ABHD6: variants seen among roughly 807,000 people sequenced by gnomAD.
The protein encoded by ABHD6 is monoacylglycerol lipase ABHD6.
ABHD6 carries 33 observed loss-of-function variants against 38.8 expected under a neutral mutation model. The ratio of observed to expected loss-of-function variants is 0.85; its 90% CI spans 0.64 to 1.14. The LOEUF (loss-of-function observed/expected upper bound fraction) is 1.14, where lower values mean the gene tolerates loss of function less well. Ranked by LOEUF, ABHD6 falls within the 50% of genes most tolerant of loss-of-function variation. The pLI is 0.00. For missense variants in ABHD6, 380 were observed against 422.6 expected (o/e 0.90, Z 0.88); for synonymous variants, 147 against 161.6 (o/e 0.91, Z 0.69).
At chr3:58,291,470 G>A (rs2097462912) in intron 9 of ABHD6, among the ~76,000 whole-genome samples, 1 of 152,100 alleles carries the variant, frequency 6.6e-6, no homozygotes, top group Non-Finnish European at 1.5e-5. Context: ...TGTTGGCCAG[G>A]CTGGTCTCGA....
chr3:58,245,544 C>T (rs1377807658), intron 1 of ABHD6, among the ~76,000 whole-genome samples: 2 of 151,770 alleles, frequency 1.3e-5, no homozygotes, highest in African/African-American at 4.8e-5. Context: ...TTTGGAAGGC[C>T]GAGGCAGGCA....
At position 58,293,503 on chromosome 3, in the gene ABHD6, G is replaced by C; in HGVS notation, c.838-86G>C. ...CCTCCTGCCCCACTGACCCCTGCCA[G>C]GCCTTGGTGGAAGTTCTGTCCACAG... is the stretch of plus-strand genomic sequence containing the variant. On this transcript the variant is annotated intron_variant, in intron 9 of 9. Coordinates refer to ENST00000478253, the MANE Select transcript of ABHD6 (RefSeq NM_001320126.2). The surrounding 1 kb of genome is among the most constrained non-coding windows in gnomAD (Gnocchi z 4.4). 1 of 1,462,250 alleles carries C rather than the reference G, an allele frequency of 6.8e-7. No individual in the cohort carries two copies. Among genetic ancestry groups the C allele is most frequent in the Non-Finnish European group, 9.3e-7 (1 of 1,075,240 alleles). The allele number at this position is 1,462,250 out of a possible 1,614,324, so 90.6% of individuals were successfully genotyped here. A position where few individuals can be genotyped will look rare whatever the true frequency, so the allele number is the denominator to read the frequency against.
chr3:58,254,725 G>A (rs1056395424), intron 2 of ABHD6, among the ~76,000 whole-genome samples: 2 of 151,928 alleles, frequency 1.3e-5, no homozygotes, highest in African/African-American at 4.8e-5. Flanking sequence ...GCCACGCCTG[G>A]CTTACAGGTC....
In ABHD6 at chr3:58,256,789, A is replaced by C; in HGVS notation, c.119+84A>C. ...CTTGTCCTTTTTGTGGTTATTGTCC[A>C]ACATTTTATCAGGAAGTATTTCAGA... On this transcript the variant is annotated intron_variant, in intron 3 of 9. Coordinates refer to ENST00000478253, the MANE Select transcript of ABHD6 (RefSeq NM_001320126.2). The surrounding 1 kb of genome is among the most constrained non-coding windows in gnomAD (Gnocchi z 4.3). 8.8e-7 allele frequency: 1 copy of C among 1,132,168 alleles called. No homozygotes were observed. Among genetic ancestry groups the C allele is most frequent in the Non-Finnish European group, 1.3e-6 (1 of 770,938 alleles). The allele number at this position is 1,132,168 out of a possible 1,614,324, so 70.1% of individuals were successfully genotyped here.
At chr3:58,239,731 A>G (rs1349153587) in intron 1 of ABHD6, among the ~76,000 whole-genome samples, 1 of 152,150 alleles carries the variant, frequency 6.6e-6, no homozygotes, top group Non-Finnish European at 1.5e-5. Flanking sequence ...GAAACTTGAT[A>G]TGAGAAAAAA....
chr3:58,252,872 G>A (rs1031440133), intron 2 of ABHD6, among the ~76,000 whole-genome samples: 4 of 152,180 alleles, frequency 2.6e-5, no homozygotes, highest in African/African-American at 9.7e-5. Flanking sequence ...GAAAGCTGAA[G>A]CAAGACCTTT....
chr3:58,260,072 TCATC>T (rs2097435970), intron 3 of ABHD6, among the ~76,000 whole-genome samples: 1 of 152,254 alleles, frequency 6.6e-6, no homozygotes, highest in African/African-American at 2.4e-5. Context: ...TACAGTTTGT[TCATC>T]CATTCATCTG....
chr3:58,294,112 A>G lies in ABHD6; in HGVS notation c.*347A>G, dbSNP rs2107488008. The G allele has an allele frequency of 5.2e-6, 1 of 194,144 alleles. No homozygotes were observed. Among genetic ancestry groups the G allele is most frequent in the Admixed American group, 5.5e-5 (1 of 18,192 alleles). 12.0% of individuals were successfully genotyped at this position (194,144 alleles called of 1,614,324 possible). ...GGACATTTTCTTTGAGACATTCCTT[A>G]TAGTTGGAGACTCAAGATATTTTTG... On this transcript the variant is annotated 3_prime_UTR_variant, in exon 10 of 10. Coordinates refer to ENST00000478253, the MANE Select transcript of ABHD6 (RefSeq NM_001320126.2).
At chr3:58,248,126 T>G (rs774873591) in intron 1 of ABHD6, among the ~76,000 whole-genome samples, 3 of 152,162 alleles carry the variant, frequency 2.0e-5, no homozygotes, top group Non-Finnish European at 2.9e-5. Flanking sequence ...CTGTCTTCTG[T>G]TCCATGCTTT....
Position 58,287,448 on chromosome 3 carries a change from G to C in ABHD6, c.837+1995G>C, listed in dbSNP as rs547836661. On this transcript the variant is annotated intron_variant, in intron 9 of 9. Coordinates refer to ENST00000478253, the MANE Select transcript of ABHD6 (RefSeq NM_001320126.2). This position sits in a 1 kb window ranked among gnomAD's most constrained non-coding sequence, Gnocchi z 4.7. ...GGAGGAGCAGCCAGGCTGTGCCCATGGCGTGTACGCAGAATAAGAGGCAAT... is the reference window on the plus strand; with the variant it reads ...GGAGGAGCAGCCAGGCTGTGCCCATCGCGTGTACGCAGAATAAGAGGCAAT... 6.6e-6 allele frequency among the ~76,000 whole-genome samples: 1 copy of C among 152,104 alleles called. No homozygotes were observed. Among genetic ancestry groups the C allele is most frequent in the South Asian group, 2.1e-4 (1 of 4,814 alleles).
chr3:58,281,809 T>G (rs890243075), intron 7 of ABHD6, among the ~76,000 whole-genome samples: 1 of 152,198 alleles, frequency 6.6e-6, no homozygotes, highest in East Asian at 1.9e-4. Context: ...TTATTAATGT[T>G]TACCATATTA....
intron 1 of ABHD6, among the ~76,000 whole-genome samples, chr3:58,241,543 C>G (rs1169042565): frequency 6.6e-6 from 1 of 152,208 alleles, no homozygotes; most frequent in Non-Finnish European, 1.5e-5. Flanking sequence ...AGCCTTTGCT[C>G]TTAGGCATTT....
At position 58,265,276 on chromosome 3, in the gene ABHD6, T is replaced by C. The variant is rs2097440172; in HGVS notation, c.120-1913T>C. 6.6e-6 allele frequency among the ~76,000 whole-genome samples: 1 copy of C among 152,228 alleles called. No homozygotes were observed. Among genetic ancestry groups the C allele is most frequent in the African/African-American group, 2.4e-5 (1 of 41,470 alleles). On this transcript the variant is annotated intron_variant, in intron 3 of 9. Coordinates refer to ENST00000478253, the MANE Select transcript of ABHD6 (RefSeq NM_001320126.2). The surrounding 1 kb of genome is among the most constrained non-coding windows in gnomAD (Gnocchi z 4.2). Reference sequence around the variant, plus strand: ...CATGTTTTTTATGTTTGTTAGTCATTAATATCTTTTCTACTCTAAGGTACC... The same window carrying C: ...CATGTTTTTTATGTTTGTTAGTCATCAATATCTTTTCTACTCTAAGGTACC...
rs2097438137 is a variant in ABHD6, at chr3:58,263,046, A to G, written c.120-4143A>G. On this transcript the variant is annotated intron_variant, in intron 3 of 9. Transcript: ENST00000478253. This position sits in a 1 kb window ranked among gnomAD's most constrained non-coding sequence, Gnocchi z 4.9. ...AACATGGTGAAACCCCATCTCTACT[A>G]CAAATACGAAAATTAGCCAGGCGTG... 6.6e-6 allele frequency among the ~76,000 whole-genome samples: 1 copy of G among 152,180 alleles called. No homozygotes were observed. Among genetic ancestry groups the G allele is most frequent in the South Asian group, 2.1e-4 (1 of 4,824 alleles).
At chr3:58,239,169 C>T (rs2097421149) in intron 1 of ABHD6, among the ~76,000 whole-genome samples, 1 of 148,690 alleles carries the variant, frequency 6.7e-6, no homozygotes, top group Admixed American at 6.7e-5. Context: ...CCAATTTCAA[C>T]AAATTCTTAT....
At chr3:58,291,801 G>C (rs2097463219) in intron 9 of ABHD6, among the ~76,000 whole-genome samples, 2 of 152,196 alleles carry the variant, frequency 1.3e-5, no homozygotes, top group South Asian at 4.1e-4. Context: ...ACTCAGTTTT[G>C]CCTGGGCATG....
At chr3:58,254,883 CAT>C (rs72555938) in intron 2 of ABHD6, among the ~76,000 whole-genome samples, 4,580 of 125,034 alleles carry the variant, frequency 0.037, 95 homozygotes, top group Non-Finnish European at 0.059. Flanking sequence ...CACACACACA[CAT>C]ATATATATAT....
intron 1 of ABHD6, among the ~76,000 whole-genome samples, chr3:58,244,760 A>G (rs2097425125): frequency 6.6e-6 from 1 of 152,152 alleles, no homozygotes; most frequent in African/African-American, 2.4e-5. Context: ...CTCAAATTAA[A>G]AAAAAAAGCA....
At chr3:58,247,266 G>A (rs533462249) in intron 1 of ABHD6, among the ~76,000 whole-genome samples, 68 of 152,140 alleles carry the variant, frequency 4.5e-4, no homozygotes, top group Non-Finnish European at 6.6e-4. Flanking sequence ...AGCCTCCCAA[G>A]GTGCTGGGAT....
Sources: allele counts gnomAD v4.1 joint callset (sites outside exome capture counted in the v4.1 genomes callset), GRCh38; gene constraint gnomAD v4.1.1; non-coding constraint Gnocchi (gnomAD v3.1); transcripts MANE v1.5; gene names NCBI Gene and HGNC (gene_info 2026-07-23, HGNC 2026-07-21).